Variants in CHM observed in about 807,000 individuals in gnomAD.
CHM encodes CHM Rab escort protein.
Under a neutral mutation model 49.0 loss-of-function variants are expected in CHM, and 10 were observed. That is an observed-to-expected ratio of 0.20 (90% CI 0.13 to 0.35). The LOEUF (loss-of-function observed/expected upper bound fraction) is 0.35, where lower values mean the gene tolerates loss of function less well. Ranked by LOEUF, CHM falls within the 10% of genes least tolerant of loss-of-function variation. The pLI is 1.00. For missense variants in CHM, 455 were observed against 478.4 expected, an observed-to-expected ratio of 0.95 and a Z score of 0.46; for synonymous variants, 184 against 167.5, an observed-to-expected ratio of 1.10 and a Z score of -0.76.
chrX:85,976,875 A>AC (rs371385149), intron 4 of CHM, among the ~76,000 whole-genome samples: 813 of 76,295 alleles, frequency 0.011, 4 homozygotes, highest in African/African-American at 0.015. Flanking sequence ...AACACACACA[A>AC]ACACACACAC....
chrX:86,010,923 A>G (rs1053380749), intron 2 of CHM, among the ~76,000 whole-genome samples: 1 of 111,669 alleles, frequency 9.0e-6, no homozygotes, highest in Admixed American at 9.5e-5. Context: ...TCATCAACAG[A>G]TGACTTCCAT....
chrX:85,942,225 T>C (rs1364246930), intron 8 of CHM, among the ~76,000 whole-genome samples: 2 of 109,321 alleles, frequency 1.8e-5, no homozygotes, highest in African/African-American at 6.6e-5. Context: ...TATATCATAG[T>C]ACTAACGGCA....
At chrX:85,942,312 C>A (rs946206364) in intron 8 of CHM, among the ~76,000 whole-genome samples, 1 of 96,400 alleles carries the variant, frequency 1.0e-5, no homozygotes, top group Non-Finnish European at 2.0e-5. Flanking sequence ...CCCAGAAGCA[C>A]TCTTGTATTC....
intron 2 of CHM, among the ~76,000 whole-genome samples, chrX:86,002,907 C>T (rs1307739401): frequency 8.9e-6 from 1 of 112,219 alleles, no homozygotes; most frequent in Non-Finnish European, 1.9e-5. Flanking sequence ...GGGGTTTGAG[C>T]TCTGAGAACG....
At chrX:86,004,017 G>A (rs1932800414) in intron 2 of CHM, among the ~76,000 whole-genome samples, 1 of 112,028 alleles carries the variant, frequency 8.9e-6, no homozygotes, top group South Asian at 3.7e-4. Flanking sequence ...AGAGAGAAAG[G>A]TCAAGTTACC....
chrX:85,927,229 A>C (rs1928144277), intron 8 of CHM, among the ~76,000 whole-genome samples: 1 of 112,226 alleles, frequency 8.9e-6, no homozygotes, highest in Admixed American at 9.5e-5. Context: ...TTTTTAAAAA[A>C]TAAATTTACT....
intron 2 of CHM, among the ~76,000 whole-genome samples, chrX:86,014,903 CATA>C (rs1260954414): frequency 1.8e-5 from 2 of 110,609 alleles, no homozygotes; most frequent in East Asian, 2.8e-4. Flanking sequence ...CAAAATCAAA[CATA>C]ATAACAATAA....
intron 2 of CHM, among the ~76,000 whole-genome samples, chrX:86,018,248 A>G (rs1369472364): frequency 8.9e-6 from 1 of 112,632 alleles, no homozygotes; most frequent in Non-Finnish European, 1.9e-5. Context: ...TTTTATCATA[A>G]AAGATATACA....
intron 4 of CHM, chrX:85,971,442 G>T (rs1342839788): frequency 1.3e-5 from 2 of 154,211 alleles, no homozygotes; most frequent in African/African-American, 6.4e-5. Flanking sequence ...TGAAGCTGCA[G>T]ACCTTCGCGG....
At chrX:85,990,008 A>G (rs930366155) in intron 2 of CHM, among the ~76,000 whole-genome samples, 20 of 112,256 alleles carry the variant, frequency 1.8e-4, no homozygotes, top group African/African-American at 6.1e-4. Context: ...AAAGGAATAT[A>G]AATAATTCTA....
In CHM at chrX:85,919,488, T is replaced by A. The variant is rs1230367089; in HGVS notation, c.1167-8150A>T. Among the ~76,000 whole-genome samples, 7 of 111,108 alleles carry A rather than the reference T, an allele frequency of 6.3e-5. No individual in the cohort carries two copies. In the South Asian group the frequency reaches 2.7e-3, roughly 43 times the overall value. Reference sequence around the variant, plus strand: ...GGCCTCAAATACATTTAAATACAGTTATAGATGCCGAGATACAGGGACATC... The same window carrying A: ...GGCCTCAAATACATTTAAATACAGTAATAGATGCCGAGATACAGGGACATC... On this transcript the variant is annotated intron_variant, in intron 8 of 14. Transcript: ENST00000357749.
chrX:85,891,439 G>T (rs974782477), intron 12 of CHM, among the ~76,000 whole-genome samples: 3 of 111,883 alleles, frequency 2.7e-5, no homozygotes, highest in African/African-American at 6.5e-5. Context: ...TAGGGACTTG[G>T]TGCCCTGTGT....
At chrX:86,012,157 GTGCC>G (rs1334293590) in intron 2 of CHM, among the ~76,000 whole-genome samples, 2 of 111,999 alleles carry the variant, frequency 1.8e-5, no homozygotes, top group Admixed American at 9.5e-5. Flanking sequence ...TCCAGGCAAA[GTGCC>G]ACTTAAGAGA....
intron 2 of CHM, among the ~76,000 whole-genome samples, chrX:85,991,606 T>C (rs1040201301): frequency 6.3e-5 from 7 of 111,451 alleles, no homozygotes; most frequent in African/African-American, 2.0e-4. Context: ...AAATGCTAGG[T>C]TGAAAAATTT....
At chrX:86,026,760 A>T (rs1341175316) in intron 2 of CHM, among the ~76,000 whole-genome samples, 1 of 112,096 alleles carries the variant, frequency 8.9e-6, no homozygotes, top group Non-Finnish European at 1.9e-5. Flanking sequence ...TTTATATTGT[A>T]GCATTCTGAA....
intron 8 of CHM, among the ~76,000 whole-genome samples, chrX:85,944,679 G>A (rs1181660333): frequency 8.9e-6 from 1 of 112,220 alleles, no homozygotes; most frequent in Non-Finnish European, 1.9e-5. Flanking sequence ...TACACTGCTG[G>A]TGGGTATGTA....
At chrX:85,878,833 T>C (rs1023627619) in intron 13 of CHM, 132 bp downstream of exon 13, 1 of 506,150 alleles carries the variant, frequency 2.0e-6, no homozygotes, top group African/African-American at 2.3e-5. Context: ...TCAAGCATCT[T>C]ATCAAAACAT....
intron 2 of CHM, among the ~76,000 whole-genome samples, chrX:86,020,920 A>G (rs1269962217): frequency 1.4e-4 from 14 of 99,455 alleles, no homozygotes; most frequent in Non-Finnish European, 8.0e-5. Context: ...TCTGATATAT[A>G]TATCTTATAT....
At chrX:85,890,964 T>G (rs1925404685) in intron 12 of CHM, among the ~76,000 whole-genome samples, 1 of 111,427 alleles carries the variant, frequency 9.0e-6, no homozygotes, top group Non-Finnish European at 1.9e-5. Flanking sequence ...TGGTCTCAGA[T>G]GGAGCTGAGG....
Sources: allele counts gnomAD v4.1 joint callset (sites outside exome capture counted in the v4.1 genomes callset), GRCh38; gene constraint gnomAD v4.1.1; transcripts MANE v1.5; gene names NCBI Gene and HGNC (gene_info 2026-07-23, HGNC 2026-07-21).